Variants in WNT6 observed in about 807,000 individuals in gnomAD.
WNT6 encodes the protein Wnt family member 6.
WNT6 carries 27 observed loss-of-function variants against 33.1 expected under a neutral mutation model. The observed-to-expected ratio is 0.82, with a 90% CI of 0.60 to 1.12. WNT6 has a LOEUF of 1.12. WNT6 is among the 50% of genes most tolerant of loss of function. The pLI is 0.00. For missense variants in WNT6, 494 were observed against 535.3 expected (o/e 0.92, Z 0.76); for synonymous variants, 249 against 242.8 (o/e 1.03, Z -0.24).
rs1254828498 is a variant in WNT6, at chr2:218,871,922, G to A, written c.636+103G>A. On this transcript the variant is annotated intron_variant, in intron 3 of 3. Coordinates refer to ENST00000233948, the MANE Select transcript of WNT6 (RefSeq NM_006522.4). This position sits in a 1 kb window ranked among gnomAD's most constrained non-coding sequence, Gnocchi z 6.4. ...CAGGAGTGAGGGTGTGTAGGTGGAGGGGGGCGTTAATGTGTGGGGGAGTGC... is the reference window on the plus strand; with the variant it reads ...CAGGAGTGAGGGTGTGTAGGTGGAGAGGGGCGTTAATGTGTGGGGGAGTGC... 4 of 553,868 alleles carry A rather than the reference G, an allele frequency of 7.2e-6. No individual in the cohort carries two copies. The highest frequency in any genetic ancestry group is 1.1e-5 in the Non-Finnish European group (4 of 374,776). The allele number at this position is 553,868 out of a possible 1,614,324, so 34.3% of individuals were successfully genotyped here. A position where few individuals can be genotyped will look rare whatever the true frequency, so the allele number is the denominator to read the frequency against.
chr2:218,870,993 T>C, intron 1 of WNT6, 34 bp from the exon 2 acceptor site: 1 of 1,546,252 alleles, frequency 6.5e-7, no homozygotes, highest in Non-Finnish European at 8.8e-7. Flanking sequence ...CTTTTTTGGG[T>C]TACACCCCTG....
At chr2:218,872,926 G>A (rs551975723) in intron 3 of WNT6, among the ~76,000 whole-genome samples, 55 of 152,296 alleles carry the variant, frequency 3.6e-4, no homozygotes, top group African/African-American at 1.1e-3. Flanking sequence ...GTTGGGGAGG[G>A]GTGACGGAGA....
intron 1 of WNT6, among the ~76,000 whole-genome samples, chr2:218,862,918 T>G (rs1248159074): frequency 6.6e-6 from 1 of 152,070 alleles, no homozygotes; most frequent in Admixed American, 6.6e-5. Context: ...TTGGTCAGGC[T>G]GGTCTCAAAC....
chr2:218,860,470 AG>A (rs1169402691), intron 1 of WNT6, among the ~76,000 whole-genome samples: 2 of 152,158 alleles, frequency 1.3e-5, no homozygotes, highest in African/African-American at 4.8e-5. Flanking sequence ...GATTTGGAGA[AG>A]ACAGGAACAA....
At chr2:218,869,099 C>T (rs1238406694) in intron 1 of WNT6, among the ~76,000 whole-genome samples, 1 of 152,146 alleles carries the variant, frequency 6.6e-6, no homozygotes, top group Non-Finnish European at 1.5e-5. Context: ...GGGGCCAGTG[C>T]TGGGCTGGTC....
At chr2:218,864,834 T>C (rs1043047206) in intron 1 of WNT6, among the ~76,000 whole-genome samples, 10 of 152,184 alleles carry the variant, frequency 6.6e-5, no homozygotes, top group African/African-American at 2.4e-4. Flanking sequence ...ATCCTGTCTT[T>C]ATCTGGGGCC....
Position 218,873,173 on chromosome 2 carries a change from CA to C in WNT6, c.637-210del, listed in dbSNP as rs1197475376. ...CCCCGTCTCCCCTCTTCGTCATCAT[CA>C]TATTCCTCCATCCTCACCATTCCTC... On this transcript the variant is annotated intron_variant, in intron 3 of 3. Transcript: ENST00000233948. This position sits in a 1 kb window ranked among gnomAD's most constrained non-coding sequence, Gnocchi z 6.1. Among the ~76,000 whole-genome samples the C allele has an allele frequency of 6.6e-6, 1 of 152,152 alleles. No individual in the cohort carries two copies. The highest frequency in any genetic ancestry group is 1.5e-5 in the Non-Finnish European group (1 of 68,018).
rs1944432053 is a variant in WNT6, at chr2:218,874,013, C to G, written c.*168C>G. 1.2e-6 allele frequency: 1 copy of G among 817,188 alleles called. No individual in the cohort carries two copies. The highest frequency in any genetic ancestry group is 1.8e-6 in the Non-Finnish European group (1 of 566,214). 50.6% of individuals were successfully genotyped at this position (817,188 alleles called of 1,614,324 possible). ...GAGGCGAGGGGCTTGAGAGGAACGC[C>G]CACCCACGAAGGCCCAGGGCGCCAG... On this transcript the variant is annotated 3_prime_UTR_variant, in exon 4 of 4. Coordinates refer to ENST00000233948, the MANE Select transcript of WNT6 (RefSeq NM_006522.4).
intron 1 of WNT6, 125 bp downstream of exon 1, chr2:218,860,242 C>T: frequency 2.2e-6 from 2 of 906,136 alleles, no homozygotes; most frequent in Non-Finnish European, 3.0e-6. Context: ...TTTCTGGCCT[C>T]GGCCGGGGGC....
At chr2:218,861,875 C>G (rs973539666) in intron 1 of WNT6, among the ~76,000 whole-genome samples, 1 of 152,196 alleles carries the variant, frequency 6.6e-6, no homozygotes, top group Non-Finnish European at 1.5e-5. Context: ...CTGCATTTGG[C>G]TGACAACAGT....
rs2106007080 is a variant in WNT6 at position 218,873,937 on chromosome 2, G to A, written c.*92G>A. 7.9e-7 allele frequency: 1 copy of A among 1,273,324 alleles called. No individual in the cohort carries two copies. Among genetic ancestry groups the A allele is most frequent in the Non-Finnish European group, 1.0e-6 (1 of 972,680 alleles). 78.9% of individuals were successfully genotyped at this position (1,273,324 alleles called of 1,614,324 possible). On this transcript the variant is annotated 3_prime_UTR_variant, in exon 4 of 4. Coordinates refer to ENST00000233948, the MANE Select transcript of WNT6 (RefSeq NM_006522.4). This position sits in a 1 kb window ranked among gnomAD's most constrained non-coding sequence, Gnocchi z 6.1. ...CGGCACCGGGCGCCTCTCGCCGCTC[G>A]AGCCCAGCCTCTCCCTGCCAAAGCC... is the stretch of plus-strand genomic sequence containing the variant.
chr2:218,871,187 C>G lies in WNT6; in HGVS notation c.241C>G (p.Arg81Gly). The change falls in exon 2 of 4, where the codon CGC becomes GGC. Residue 81 changes from arginine to glycine, a missense_variant. Physicochemically the swap from Arg to Gly is moderately radical, Grantham distance 125. Coordinates refer to ENST00000233948, the MANE Select transcript of WNT6 (RefSeq NM_006522.4). This position sits in a 1 kb window ranked among gnomAD's most constrained non-coding sequence, Gnocchi z 6.4. ...LGVRECQFQFRFRRWNCSSHS... is the reference protein window; with the variant it reads ...LGVRECQFQFGFRRWNCSSHS... ...GGTGCGAGAGTGCCAGTTCCAGTTC[C>G]GCTTCCGCCGCTGGAATTGCTCCAG... The G allele has an allele frequency of 6.2e-7, 1 of 1,613,534 alleles. No individual in the cohort carries two copies. The highest frequency in any genetic ancestry group is 1.7e-4 in the Middle Eastern group (1 of 6,058).
chr2:218,871,535 C>T lies in WNT6; in HGVS notation c.352C>T (p.His118Tyr). 6.3e-7 allele frequency: 1 copy of T among 1,598,452 alleles called. No homozygotes were observed. Among genetic ancestry groups the T allele is most frequent in the Non-Finnish European group, 8.5e-7 (1 of 1,179,378 alleles). ...VFAITAAGAS[H>Y]AVTQACSMGE... ...CGCCATCACTGCGGCCGGCGCCAGC[C>T]ACGCCGTCACGCAGGCCTGTTCTAT... The change falls in exon 3 of 4, where the codon CAC becomes TAC. Residue 118 changes from histidine to tyrosine, a missense_variant. His to Tyr is a moderately conservative substitution (Grantham distance 83). Coordinates refer to ENST00000233948, the MANE Select transcript of WNT6 (RefSeq NM_006522.4). The surrounding 1 kb of genome is among the most constrained non-coding windows in gnomAD (Gnocchi z 6.4).
intron 1 of WNT6, 74 bp from the exon 2 acceptor site, chr2:218,870,953 G>A: frequency 7.1e-7 from 1 of 1,405,216 alleles, no homozygotes; most frequent in Non-Finnish European, 9.7e-7. Context: ...GGCTGAGTGG[G>A]GCTGGTCCTC....
rs185633587 is a variant in WNT6, at chr2:218,867,121, G to C, written c.81-3906G>C. On this transcript the variant is annotated intron_variant, in intron 1 of 3. Coordinates refer to ENST00000233948, the MANE Select transcript of WNT6 (RefSeq NM_006522.4). This position sits in a 1 kb window ranked among gnomAD's most constrained non-coding sequence, Gnocchi z 4.9. Reference sequence around the variant, plus strand: ...ATTCAGAGTTAATCAACCTTGCTAGGGGTACGGGGCTGTGTGGAGGATGGT... The same window carrying C: ...ATTCAGAGTTAATCAACCTTGCTAGCGGTACGGGGCTGTGTGGAGGATGGT... 5.0e-3 allele frequency among the ~76,000 whole-genome samples: 754 copies of C among 152,254 alleles called. 5 individuals carry two copies. The highest frequency in any genetic ancestry group is 0.017 in the African/African-American group (704 of 41,536).
At chr2:218,861,761 C>T (rs1048180698) in intron 1 of WNT6, among the ~76,000 whole-genome samples, 9 of 152,128 alleles carry the variant, frequency 5.9e-5, no homozygotes, top group African/African-American at 1.4e-4. Flanking sequence ...CTTATCCTTA[C>T]GGTTAAAATA....
In WNT6 at chr2:218,860,110, C is replaced by T. The variant is rs946074547; in HGVS notation, c.73C>T (p.Leu25=). The T allele has an allele frequency of 2.6e-6, 4 of 1,523,938 alleles. No homozygotes were observed. Among genetic ancestry groups the T allele is most frequent in the Non-Finnish European group, 3.5e-6 (4 of 1,140,084 alleles). 94.4% of individuals were successfully genotyped at this position (1,523,938 alleles called of 1,614,324 possible). A position where few individuals can be genotyped will look rare whatever the true frequency, so the allele number is the denominator to read the frequency against. ...LLLCPAHVGG[L]WWAVGSPLVM... is the part of the protein sequence containing the mutation. ...CCTGTGCCCGGCGCACGTCGGCGGACTGTGGTGGTGAGTCCGGCTGTCCTG... is the reference window on the plus strand; with the variant it reads ...CCTGTGCCCGGCGCACGTCGGCGGATTGTGGTGGTGAGTCCGGCTGTCCTG... The change falls in exon 1 of 4, where the codon CTG becomes TTG. Residue 25 remains leucine, a synonymous_variant. Transcript: ENST00000233948.
rs552661195 is a variant in WNT6, at chr2:218,859,887, G to T, written c.-151G>T. 7.9e-4 allele frequency: 323 copies of T among 407,218 alleles called. No homozygotes were observed. Among genetic ancestry groups the T allele is most frequent in the African/African-American group, 6.4e-3 (299 of 46,420 alleles). 25.2% of individuals were successfully genotyped at this position (407,218 alleles called of 1,614,324 possible). ...GCCTCCGCCGCGCCCTCCTCGCCCG[G>T]GATGGGCCCCCCCGCCGCCGCCGGA... On this transcript the variant is annotated 5_prime_UTR_variant, in exon 1 of 4. Transcript: ENST00000233948.
Position 218,873,448 on chromosome 2 carries a change from G to A in WNT6, c.701G>A (p.Arg234His), listed in dbSNP as rs1051611538. Residue 234 changes from arginine to histidine, a missense_variant, in exon 4 of 4, where the codon CGC becomes CAC. Coordinates refer to ENST00000233948, the MANE Select transcript of WNT6 (RefSeq NM_006522.4). This position sits in a 1 kb window ranked among gnomAD's most constrained non-coding sequence, Gnocchi z 6.1. ...CHGLSGSCAL[R>H]TCWQKLPPFR... ...GGGCTGTCGGGATCATGCGCGCTGCGCACCTGCTGGCAGAAGCTGCCTCCA... is the reference window on the plus strand; with the variant it reads ...GGGCTGTCGGGATCATGCGCGCTGCACACCTGCTGGCAGAAGCTGCCTCCA... The A allele has an allele frequency of 4.6e-6, 7 of 1,538,282 alleles. No individual in the cohort carries two copies. Among genetic ancestry groups the A allele is most frequent in the South Asian group, 1.2e-5 (1 of 84,040 alleles).
Sources: gnomAD v4.1 joint callset for allele counts (sites outside exome capture counted in the v4.1 genomes callset) on GRCh38, gnomAD v4.1.1 for gene constraint, Gnocchi (gnomAD v3.1) non-coding constraint, MANE v1.5 for transcripts, NCBI Gene and HGNC (gene_info 2026-07-23, HGNC 2026-07-21) for gene names.